The following MSH4 variants were observed in gnomAD, a reference collection of about 807,000 sequenced individuals.
MSH4 encodes the protein mutS homolog 4.
A neutral mutation model predicts 113.7 loss-of-function variants in MSH4; 106 were observed. The ratio of observed to expected loss-of-function variants is 0.93; its 90% CI spans 0.80 to 1.10. The LOEUF (loss-of-function observed/expected upper bound fraction) is 1.10. MSH4 is among the 50% of genes least tolerant of loss of function. The pLI is 0.00. For missense variants in MSH4, 1,061 were observed against 1,093.7 expected, an observed-to-expected ratio of 0.97 and a Z score of 0.42; for synonymous variants, 368 against 380.2, an observed-to-expected ratio of 0.97 and a Z score of 0.37.
intron 9 of MSH4, among the ~76,000 whole-genome samples, chr1:75,874,847 T>G (rs1382330780): frequency 6.6e-6 from 1 of 152,180 alleles, no homozygotes; most frequent in African/African-American, 2.4e-5. Context: ...ATGCATACTT[T>G]CAGAGTCTGT....
At chr1:75,837,091 G>T (rs879118926) in intron 7 of MSH4, among the ~76,000 whole-genome samples, 5 of 152,194 alleles carry the variant, frequency 3.3e-5, no homozygotes, top group South Asian at 4.2e-4. Flanking sequence ...GGGCCTTTAG[G>T]GGGTGGTTAC....
intron 15 of MSH4, among the ~76,000 whole-genome samples, chr1:75,885,445 AT>A (rs1652055264): frequency 2.5e-5 from 1 of 40,598 alleles, no homozygotes; most frequent in Non-Finnish European, 4.5e-5. Context: ...GTGTATATAC[AT>A]ATATATATAT....
chr1:75,868,818 A>T (rs1487228057), intron 9 of MSH4, among the ~76,000 whole-genome samples: 1 of 152,200 alleles, frequency 6.6e-6, no homozygotes, highest in African/African-American at 2.4e-5. Context: ...TTCTGCCATG[A>T]TTGTGAGGCC....
chr1:75,861,660 G>A lies in MSH4; in HGVS notation c.1231-5854G>A, dbSNP rs140426109. Among the ~76,000 whole-genome samples, 488 of 152,256 alleles carry A rather than the reference G, an allele frequency of 3.2e-3. 4 individuals carry two copies. Among genetic ancestry groups the A allele is most frequent in the East Asian group, 9.7e-3 (50 of 5,152 alleles). ...GAAGCTTCGTCCCAGAGGGGCAACC[G>A]CCTGTATGCGGTGTCTGTTGGCCCC... On this transcript the variant is annotated intron_variant, in intron 8 of 19. Transcript: ENST00000263187.
chr1:75,892,377 A>T (rs942727882), intron 17 of MSH4, among the ~76,000 whole-genome samples: 8 of 148,344 alleles, frequency 5.4e-5, no homozygotes, highest in Non-Finnish European at 1.0e-4. Flanking sequence ...ACACATACAC[A>T]CTCTCTCTCT....
intron 19 of MSH4, among the ~76,000 whole-genome samples, chr1:75,900,972 A>G (rs1652494071): frequency 6.6e-6 from 1 of 152,244 alleles, no homozygotes; most frequent in African/African-American, 2.4e-5. Context: ...ATCCACTGCA[A>G]ATTCATATAT....
At chr1:75,799,036 C>A (rs1419658122) in intron 1 of MSH4, among the ~76,000 whole-genome samples, 1 of 152,174 alleles carries the variant, frequency 6.6e-6, no homozygotes, top group Non-Finnish European at 1.5e-5. Context: ...CTAATCTTTA[C>A]AGATTTATCC....
intron 3 of MSH4, 73 bp from the exon 4 acceptor site, chr1:75,810,624 C>T (rs1314045684): frequency 1.8e-5 from 11 of 621,176 alleles, no homozygotes; most frequent in Non-Finnish European, 2.6e-5. Flanking sequence ...ATTTTAAATA[C>T]TTATCTCAGA....
Position 75,803,814 on chromosome 1 carries a change from C to G in MSH4, c.328C>G (p.Arg110Gly), listed in dbSNP as rs763044701. 6.2e-7 allele frequency: 1 copy of G among 1,607,384 alleles called. No homozygotes were observed. Among genetic ancestry groups the G allele is most frequent in the Non-Finnish European group, 8.5e-7 (1 of 1,177,246 alleles). The change falls in exon 2 of 20, where the codon CGA (arginine) becomes GGA (glycine). Residue 110 changes from arginine to glycine, a missense_variant. Coordinates refer to ENST00000263187, the MANE Select transcript of MSH4 (RefSeq NM_002440.4). The stretch of plus-strand genomic sequence containing the variant: ...TTTTGGTGCAAGCTCATCTTCTGCA[C>G]GAGATACTAATTATCCTCAAACACT... ...FTFGASSSSA[R>G]DTNYPQTLKT...
At chr1:75,910,387 T>G (rs1193001405) in intron 19 of MSH4, among the ~76,000 whole-genome samples, 1 of 152,046 alleles carries the variant, frequency 6.6e-6, no homozygotes, top group Non-Finnish European at 1.5e-5. Context: ...TTCTCCTACC[T>G]GTTTGATTAT....
chr1:75,903,517 T>C (rs1652556030), intron 19 of MSH4, among the ~76,000 whole-genome samples: 1 of 152,170 alleles, frequency 6.6e-6, no homozygotes, highest in Admixed American at 6.5e-5. Context: ...TTGAAGTATT[T>C]TGTGGTTCCA....
At chr1:75,900,653 G>C (rs1267255644) in intron 19 of MSH4, among the ~76,000 whole-genome samples, 2 of 151,994 alleles carry the variant, frequency 1.3e-5, no homozygotes, top group African/African-American at 4.8e-5. Flanking sequence ...AACTGACCTA[G>C]GTGCAGTGTG....
rs184575292 is a variant in MSH4 at position 75,822,008 on chromosome 1, G to A, written c.990-401G>A. Among the ~76,000 whole-genome samples, 113 of 152,158 alleles carry A rather than the reference G, an allele frequency of 7.4e-4. 1 individual carries two copies. The highest frequency in any genetic ancestry group is 2.5e-3 in the African/African-American group (105 of 41,530). ...GTTTAAGAATCATTGCTGGCCAGGC[G>A]CGGTGGCTCACGCCTGTAATCCCAG... On this transcript the variant is annotated intron_variant, in intron 6 of 19. Coordinates refer to ENST00000263187, the MANE Select transcript of MSH4 (RefSeq NM_002440.4).
At chr1:75,841,162 TCCC>T (rs1650950828) in intron 7 of MSH4, among the ~76,000 whole-genome samples, 3 of 33,816 alleles carry the variant, frequency 8.9e-5, no homozygotes, top group African/African-American at 2.0e-4. Flanking sequence ...TTTCCTTCCC[TCCC>T]TCCCTCCCTC....
chr1:75,846,615 CT>C (rs903903383), intron 7 of MSH4, among the ~76,000 whole-genome samples: 2 of 152,196 alleles, frequency 1.3e-5, no homozygotes, highest in African/African-American at 4.8e-5. Context: ...CACCTGAGTC[CT>C]CATCAGAATG....
intron 19 of MSH4, among the ~76,000 whole-genome samples, chr1:75,911,585 T>TA (rs1291130663): frequency 6.6e-6 from 1 of 152,148 alleles, no homozygotes; most frequent in African/African-American, 2.4e-5. Flanking sequence ...ATTAAGACTG[T>TA]AAGCTCCTTG....
chr1:75,829,556 T>G (rs1650636734), intron 7 of MSH4, among the ~76,000 whole-genome samples: 2 of 152,156 alleles, frequency 1.3e-5, no homozygotes, highest in South Asian at 4.1e-4. Flanking sequence ...GACTGACACC[T>G]CATACAGCTG....
chr1:75,879,007 T>C lies in MSH4; in HGVS notation c.1556T>C (p.Leu519Pro). Residue 519 changes from leucine (L) to proline (P), a missense_variant, in exon 12 of 20, where the codon CTT (leucine) becomes CCT (proline). Physicochemically the swap from Leu to Pro is moderately conservative, Grantham distance 98. Transcript: ENST00000263187. ...TGGTCACCAGGAATGATATCACAAC[T>C]TGGAGAAAAATATAGTCTACCTTTA... ...VDDIAGMISQ[L>P]GEKYSLPLRT... is the part of the protein sequence containing the mutation. 1.2e-6 allele frequency: 2 copies of C among 1,608,622 alleles called. No individual in the cohort carries two copies. The highest frequency in any genetic ancestry group is 1.7e-6 in the Non-Finnish European group (2 of 1,176,612).
chr1:75,819,571 A>G (rs1032140200), intron 6 of MSH4, among the ~76,000 whole-genome samples: 1 of 152,262 alleles, frequency 6.6e-6, no homozygotes, highest in African/African-American at 2.4e-5. Context: ...TCCGTCTTAT[A>G]TGCCCAGTGT....
Sources: allele counts gnomAD v4.1 joint callset (sites outside exome capture counted in the v4.1 genomes callset), GRCh38; gene constraint gnomAD v4.1.1; transcripts MANE v1.5; gene names NCBI Gene and HGNC (gene_info 2026-07-23, HGNC 2026-07-21).